The following SMG1 variants were observed in gnomAD, a reference collection of about 807,000 sequenced individuals.
SMG1 encodes the protein serine/threonine-protein kinase SMG1.
A neutral mutation model predicts 419.9 loss-of-function variants in SMG1; 22 were observed. The observed-to-expected ratio is 0.05, with a 90% CI of 0.04 to 0.07. The LOEUF (loss-of-function observed/expected upper bound fraction) is 0.07, where lower values mean the gene tolerates loss of function less well. Among genes scored for constraint, SMG1 ranks in the 10% least tolerant of loss-of-function variants. SMG1 has a pLI of 1.00. For synonymous variants in SMG1, 1,538 were observed against 1,553.5 expected (o/e 0.99, Z 0.23); for missense variants, 3,185 against 4,342.0 (o/e 0.73, Z 7.49).
chr16:18,884,849 C>G, intron 8 of SMG1: 1 of 496,476 alleles, frequency 2.0e-6, no homozygotes, highest in South Asian at 2.7e-5. Context: ...CATACACTTT[C>G]CTACCAGTAC....
At position 18,876,352 on chromosome 16, in the gene SMG1, G is replaced by A; in HGVS notation, c.1662C>T (p.Ser554=). 1 of 1,610,950 alleles carries A rather than the reference G, an allele frequency of 6.2e-7. No individual in the cohort carries two copies. Among genetic ancestry groups the A allele is most frequent in the Non-Finnish European group, 8.5e-7 (1 of 1,179,244 alleles). Residue 554 remains serine (S), a synonymous_variant, in exon 13 of 63, where the codon AGC becomes AGT. Transcript: ENST00000446231. ...VAHAVYQAVL[S]LKNIPVLETA... ...TCTCCAAAACAGGAATATTCTTCAA[G>A]CTGAGCACTGCTTGATAAACAGCAT...
At position 18,829,607 on chromosome 16, in the gene SMG1, C is replaced by T. The variant is rs1199878928; in HGVS notation, c.9282G>A (p.Leu3094=). The T allele has an allele frequency of 6.2e-7, 1 of 1,613,952 alleles. No individual in the cohort carries two copies. The highest frequency in any genetic ancestry group is 1.1e-5 in the South Asian group (1 of 91,072). The change falls in exon 54 of 63, where the codon TTG becomes TTA. Residue 3094 remains leucine (L), a synonymous_variant. Transcript: ENST00000446231. ...CGAGGGCTTGGTTGGGTAGCCCTATCAAGAGCTGCCTCACAAAGTCAGCTG... is the reference window on the plus strand; with the variant it reads ...CGAGGGCTTGGTTGGGTAGCCCTATTAAGAGCTGCCTCACAAAGTCAGCTG... ...AFTADFVRQL[L]IGLPNQALGL...
At chr16:18,857,205 C>T (rs1243939850) in intron 29 of SMG1, 2 of 152,214 alleles carry the variant, frequency 1.3e-5, no homozygotes, top group African/African-American at 4.8e-5. Flanking sequence ...TGACATTTAA[C>T]ACTCAAATTT....
intron 51 of SMG1, 117 bp downstream of exon 51, chr16:18,832,823 A>C: frequency 2.4e-6 from 2 of 832,056 alleles, no homozygotes; most frequent in Non-Finnish European, 2.0e-6. Context: ...GAGCATTTAT[A>C]AGTAATTATA....
chr16:18,888,164 C>CAAAAAAAA (rs991748168), intron 6 of SMG1, among the ~76,000 whole-genome samples: 2 of 41,182 alleles, frequency 4.9e-5, no homozygotes, highest in African/African-American at 1.7e-4. Context: ...GACTCTGCAT[C>CAAAAAAAA]AAAAAAAAAA....
intron 1 of SMG1, among the ~76,000 whole-genome samples, chr16:18,906,468 A>G (rs1173234333): frequency 6.6e-6 from 1 of 152,034 alleles, no homozygotes; most frequent in African/African-American, 2.4e-5. Flanking sequence ...CTGGGCAATA[A>G]TAAGAGCGAA....
At chr16:18,831,233 T>C (rs182921898) in intron 51 of SMG1, among the ~76,000 whole-genome samples, 1 of 152,150 alleles carries the variant, frequency 6.6e-6, no homozygotes, top group Non-Finnish European at 1.5e-5. Flanking sequence ...GCTGGAACTA[T>C]TAAGAATTTT....
At chr16:18,838,264 T>G (rs756728709) in intron 44 of SMG1, 32 bp from the exon 45 acceptor site, 1 of 1,609,338 alleles carries the variant, frequency 6.2e-7, no homozygotes, top group African/African-American at 1.3e-5. Flanking sequence ...AAATAAGGTC[T>G]GCCACAAGTT....
Position 18,834,285 on chromosome 16 carries a change from C to T in SMG1, c.8484G>A (p.Val2828=), listed in dbSNP as rs370650990. ...LVQLLKQCHL[V]PQDLDIPNPM... ...GGTTCGGGATATCTAAGTCCTGTGG[C>T]ACCAGGTGGCACTGCTTCAGTAACT... The change falls in exon 50 of 63, where the codon GTG becomes GTA. Residue 2828 remains valine (V), a synonymous_variant. Transcript: ENST00000446231. The T allele has an allele frequency of 2.5e-6, 4 of 1,611,360 alleles. No individual in the cohort carries two copies. The highest frequency in any genetic ancestry group is 1.1e-5 in the South Asian group (1 of 90,392).
intron 3 of SMG1, among the ~76,000 whole-genome samples, chr16:18,893,858 C>A (rs1305530700): frequency 4.6e-5 from 7 of 151,954 alleles, no homozygotes; most frequent in Admixed American, 3.3e-4. Context: ...GAGTTTAAGA[C>A]CTGCCTGGCC....
chr16:18,904,939 C>CAAT (rs564143894), intron 1 of SMG1, among the ~76,000 whole-genome samples: 3 of 150,626 alleles, frequency 2.0e-5, no homozygotes, highest in Admixed American at 1.3e-4. Flanking sequence ...TCTCAAAAAA[C>CAAT]AATAATAATA....
chr16:18,815,466 C>G lies in SMG1; in HGVS notation c.10488G>C (p.Leu3496Phe), dbSNP rs2031919842. The G allele has an allele frequency of 3.7e-6, 6 of 1,613,888 alleles. No individual in the cohort carries two copies. In the East Asian group the frequency reaches 1.3e-4, roughly 36 times the overall value. ...TCTGACTTTGTGTTTTCAGTTCTTT[C>G]AAGGTGGGAGTGATTTCCTGGAGCA... ...VEMLQEITPT[L>F]KELKTQSQSI... is the part of the protein sequence containing the mutation. Residue 3496 changes from leucine to phenylalanine, a missense_variant, in exon 59 of 63, where the codon TTG (leucine) becomes TTC (phenylalanine). By Grantham distance (22) the Leu-to-Phe change is conservative. Transcript: ENST00000446231.
rs752514076 is a variant in SMG1 at position 18,837,329 on chromosome 16, C to T, written c.7528G>A (p.Gly2510Ser). 4.3e-6 allele frequency: 7 copies of T among 1,613,994 alleles called. No individual in the cohort carries two copies. The highest frequency in any genetic ancestry group is 1.1e-5 in the South Asian group (1 of 91,090). The change falls in exon 46 of 63, where the codon GGC becomes AGC. Residue 2510 changes from glycine to serine, a missense_variant. Around this residue, in one of 27 missense-constraint regions of SMG1, gnomAD observed 412 missense variants for 546.6 expected, o/e 0.75. Coordinates refer to ENST00000446231, the MANE Select transcript of SMG1 (RefSeq NM_015092.5). ...EQLTDVEKLQ[G>S]KLLEEIEFLE... ...AACTCTATTTCCTCCAGTAGTTTGCCCTGCAGTTTTTCCACATCTGTCAGT... is the reference window on the plus strand; with the variant it reads ...AACTCTATTTCCTCCAGTAGTTTGCTCTGCAGTTTTTCCACATCTGTCAGT...
Position 18,896,946 on chromosome 16 carries a change from C to T in SMG1, c.103G>A (p.Ala35Thr), listed in dbSNP as rs12051350. 19,106 of 1,560,364 alleles carry T rather than the reference C, an allele frequency of 0.012. 682 individuals are homozygous for T. The highest frequency in any genetic ancestry group is 0.096 in the East Asian group (4,131 of 43,044). The change falls in exon 2 of 63, where the codon GCA (alanine) becomes ACA (threonine). Residue 35 changes from alanine to threonine, a missense_variant. Coordinates refer to ENST00000446231, the MANE Select transcript of SMG1 (RefSeq NM_015092.5). ...WNDWQPRTDS[A>T]SADPDNLKYS... ...TTTAAATTATCTGGGTCGGCTGATGCACTATCAGTTCTATAAAAAGAGAAA... is the reference window on the plus strand; with the variant it reads ...TTTAAATTATCTGGGTCGGCTGATGTACTATCAGTTCTATAAAAAGAGAAA...
intron 31 of SMG1, among the ~76,000 whole-genome samples, chr16:18,852,810 C>A (rs138355436): frequency 7.7e-4 from 118 of 152,302 alleles, no homozygotes; most frequent in Non-Finnish European, 1.4e-3. Flanking sequence ...TGATCAGATT[C>A]ACTTTAATCA....
intron 55 of SMG1, among the ~76,000 whole-genome samples, chr16:18,820,975 T>A (rs1283449716): frequency 2.6e-5 from 4 of 152,214 alleles, no homozygotes; most frequent in Non-Finnish European, 4.4e-5. Flanking sequence ...GCTTTCAATA[T>A]CCAGTCACTA....
intron 31 of SMG1, among the ~76,000 whole-genome samples, chr16:18,852,713 T>C (rs935487171): frequency 4.6e-5 from 7 of 152,224 alleles, no homozygotes; most frequent in Admixed American, 4.6e-4. Context: ...CATCAATATC[T>C]TTCATGACAC....
intron 25 of SMG1, among the ~76,000 whole-genome samples, chr16:18,862,835 C>G (rs1194206444): frequency 6.6e-6 from 1 of 152,190 alleles, no homozygotes; most frequent in Non-Finnish European, 1.5e-5. Flanking sequence ...AACACAGAGG[C>G]CTCCCAGCTA....
intron 1 of SMG1, among the ~76,000 whole-genome samples, chr16:18,906,223 C>T (rs145182715): frequency 0.013 from 1,961 of 152,232 alleles, 54 homozygotes; most frequent in African/African-American, 0.045. Context: ...GTGGTTCACG[C>T]CTGTAATCCC....
Sources: allele counts gnomAD v4.1 joint callset (sites outside exome capture counted in the v4.1 genomes callset), GRCh38; gene constraint gnomAD v4.1.1; regional missense constraint gnomAD v4.1.1; transcripts MANE v1.5; gene names NCBI Gene and HGNC (gene_info 2026-07-23, HGNC 2026-07-21).